The following UTY variants were observed in gnomAD, a reference collection of about 807,000 sequenced individuals.
The protein encoded by UTY is ubiquitously transcribed tetratricopeptide repeat containing, Y-linked.
A neutral mutation model predicts 32.5 loss-of-function variants in UTY; 12 were observed. The observed-to-expected ratio is 0.37, with a 90% CI of 0.24 to 0.60. UTY has a LOEUF of 0.60. Ranked by LOEUF, UTY falls within the 20% of genes least tolerant of loss-of-function variation. UTY has a pLI of 0.69. For synonymous variants in UTY, 131 were observed against 103.4 expected, an observed-to-expected ratio of 1.27 and a Z score of -1.62; for missense variants, 303 against 299.2, an observed-to-expected ratio of 1.01 and a Z score of -0.09.
At chrY:13,370,775 G>A (rs2064832177) in intron 8 of UTY, among the ~76,000 whole-genome samples, 2 of 32,882 alleles carry the variant, frequency 6.1e-5, no homozygotes, top group Non-Finnish European at 1.5e-4. Flanking sequence ...TTGGCTTGGC[G>A]AGGTGGCATA....
chrY:13,300,516 C>T (rs2058316295), intron 25 of UTY, among the ~76,000 whole-genome samples: 1 of 33,061 alleles, frequency 3.0e-5, no homozygotes. Flanking sequence ...ACTTGGGAGT[C>T]GGACGTTGCA....
intron 27 of UTY, among the ~76,000 whole-genome samples, chrY:13,295,485 C>T: frequency 3.0e-5 from 1 of 33,514 alleles, no homozygotes; most frequent in South Asian, 6.7e-4. Flanking sequence ...ATAGCATTAT[C>T]TCTGTGCCCC....
intron 7 of UTY, among the ~76,000 whole-genome samples, chrY:13,394,725 T>C (rs2067942204): frequency 3.0e-5 from 1 of 33,645 alleles, no homozygotes; most frequent in African/African-American, 1.2e-4. Flanking sequence ...AAAAGTCCCA[T>C]AGCAATCATG....
At chrY:13,427,282 A>AC (rs2073431547) in intron 4 of UTY, among the ~76,000 whole-genome samples, 1 of 33,942 alleles carries the variant, frequency 2.9e-5, no homozygotes, top group Non-Finnish European at 7.4e-5. Context: ...AAGAGAGAAA[A>AC]ACACAAACGA....
intron 27 of UTY, chrY:13,287,281 T>C: frequency 2.5e-6 from 1 of 395,217 alleles, no homozygotes; most frequent in East Asian, 9.2e-5. Context: ...CCTTCAGAAA[T>C]AGAAGTTGGA....
intron 4 of UTY, among the ~76,000 whole-genome samples, chrY:13,420,150 G>A (rs2072334154): frequency 3.0e-5 from 1 of 33,061 alleles, no homozygotes; most frequent in Non-Finnish European, 7.4e-5. Flanking sequence ...CACTGTATAC[G>A]TTCATGGCCA....
intron 27 of UTY, among the ~76,000 whole-genome samples, chrY:13,274,301 T>A: frequency 3.0e-5 from 1 of 32,924 alleles, no homozygotes; most frequent in Non-Finnish European, 7.4e-5. Context: ...CTTCCCTGTG[T>A]CCATGTGTTC....
chrY:13,473,798 T>A (rs533873031), intron 2 of UTY, among the ~76,000 whole-genome samples: 2 of 33,739 alleles, frequency 5.9e-5, no homozygotes, highest in African/African-American at 2.3e-4. Context: ...TAGTAACCTA[T>A]AATATTATAA....
At chrY:13,384,931 G>C in intron 8 of UTY, among the ~76,000 whole-genome samples, 1 of 33,775 alleles carries the variant, frequency 3.0e-5, no homozygotes, top group African/African-American at 1.2e-4. Context: ...CGCAACCTCT[G>C]CCTCCCAGGT....
At chrY:13,370,907 G>A (rs2064848170) in intron 8 of UTY, among the ~76,000 whole-genome samples, 1 of 32,004 alleles carries the variant, frequency 3.1e-5, no homozygotes, top group Non-Finnish European at 7.6e-5. Context: ...AAAATTAACC[G>A]GGCATAGTGT....
rs766509775 is a variant in UTY at position 13,462,608 on chromosome Y, G to A, written c.325+7513C>T. ...GACATGCAGGTTGTAGCAGGTATCA[G>A]TACTCCATTCCTTTTTATGGCTGAG... On this transcript the variant is annotated intron_variant, in intron 3 of 29. Transcript: ENST00000545955. Among the ~76,000 whole-genome samples, 32 of 32,903 alleles carry A rather than the reference G, an allele frequency of 9.7e-4. No homozygotes were observed. The East Asian group carries it at 0.025, about 26-fold the overall frequency. 88.3% of individuals were successfully genotyped at this position (32,903 alleles called of 37,273 possible). A position where few individuals can be genotyped will look rare whatever the true frequency, so the allele number is the denominator to read the frequency against.
chrY:13,466,835 T>C (rs2077950512), intron 3 of UTY, among the ~76,000 whole-genome samples: 1 of 34,158 alleles, frequency 2.9e-5, no homozygotes, highest in African/African-American at 1.1e-4. Context: ...TATAAATGAA[T>C]GTCTCTGTAT....
intron 6 of UTY, among the ~76,000 whole-genome samples, chrY:13,406,996 C>T: frequency 3.2e-5 from 1 of 31,321 alleles, no homozygotes; most frequent in Non-Finnish European, 7.9e-5. Flanking sequence ...ATGCAATCTT[C>T]ATTAAATCAA....
At chrY:13,257,249 G>A (rs570860450) in intron 28 of UTY, among the ~76,000 whole-genome samples, 1 of 33,920 alleles carries the variant, frequency 2.9e-5, no homozygotes, top group Admixed American at 2.7e-4. Flanking sequence ...ATCTTTTGCA[G>A]TGTTTTGCGG....
chrY:13,400,369 G>A, intron 6 of UTY, among the ~76,000 whole-genome samples: 1 of 32,871 alleles, frequency 3.0e-5, no homozygotes, highest in African/African-American at 1.2e-4. Flanking sequence ...GAAACAAAAA[G>A]ACTACCTCAA....
chrY:13,473,013 CT>C (rs2078655946), intron 2 of UTY, among the ~76,000 whole-genome samples: 1 of 33,865 alleles, frequency 3.0e-5, no homozygotes, highest in Non-Finnish European at 7.4e-5. Flanking sequence ...AATCCCAGCA[CT>C]TTGGGAGGCT....
At chrY:13,431,067 AAG>A (rs2073965539) in intron 4 of UTY, among the ~76,000 whole-genome samples, 2 of 33,631 alleles carry the variant, frequency 5.9e-5, no homozygotes, top group Non-Finnish European at 1.5e-4. Context: ...GAGGAAAAAA[AAG>A]AGATTATAAC....
intron 6 of UTY, among the ~76,000 whole-genome samples, chrY:13,405,559 A>T: frequency 1.2e-4 from 4 of 32,282 alleles, no homozygotes; most frequent in African/African-American, 3.6e-4. Flanking sequence ...TCTCAAAATA[A>T]CTAGAAAAAA....
chrY:13,362,416 G>C, intron 10 of UTY, among the ~76,000 whole-genome samples: 1 of 33,777 alleles, frequency 3.0e-5, no homozygotes, highest in East Asian at 7.6e-4. Context: ...GTGACTCCAG[G>C]AGACTATTTT....
Sources: allele counts gnomAD v4.1 joint callset (sites outside exome capture counted in the v4.1 genomes callset), GRCh38; gene constraint gnomAD v4.1.1; transcripts MANE v1.5; gene names NCBI Gene and HGNC (gene_info 2026-07-23, HGNC 2026-07-21).